Variants in EPAS1 observed in about 807,000 individuals in gnomAD.
EPAS1 encodes endothelial PAS domain protein 1.
EPAS1 carries 23 observed loss-of-function variants against 87.9 expected under a neutral mutation model. The observed-to-expected ratio is 0.26, with a 90% CI of 0.19 to 0.37. The LOEUF (loss-of-function observed/expected upper bound fraction) is 0.37, where lower values mean the gene tolerates loss of function less well. EPAS1 is among the 10% of genes least tolerant of loss of function. The pLI is 1.00. For missense variants in EPAS1, 1,138 were observed against 1,120.7 expected (o/e 1.02, Z -0.22); for synonymous variants, 508 against 444.3 (o/e 1.14, Z -1.80).
intron 7 of EPAS1, among the ~76,000 whole-genome samples, chr2:46,373,246 T>A (rs1340304629): frequency 6.6e-6 from 1 of 152,230 alleles, no homozygotes; most frequent in African/African-American, 2.4e-5. Context: ...TATAAACATA[T>A]ACTTTACAGG....
At chr2:46,326,735 T>C (rs984769992) in intron 1 of EPAS1, among the ~76,000 whole-genome samples, 1 of 152,068 alleles carries the variant, frequency 6.6e-6, no homozygotes, top group Non-Finnish European at 1.5e-5. Flanking sequence ...ATAGGAAATA[T>C]AGTCTAGTGG....
At chr2:46,323,560 T>G (rs190870556) in intron 1 of EPAS1, among the ~76,000 whole-genome samples, 1 of 152,138 alleles carries the variant, frequency 6.6e-6, no homozygotes, top group Non-Finnish European at 1.5e-5. Context: ...ATCCTGGAGG[T>G]AGGGAACAGT....
chr2:46,321,534 T>C (rs1220289150), intron 1 of EPAS1, among the ~76,000 whole-genome samples: 2 of 152,232 alleles, frequency 1.3e-5, no homozygotes, highest in African/African-American at 4.8e-5. Flanking sequence ...TAACACTTGT[T>C]ATTTTCTGTT....
intron 12 of EPAS1, chr2:46,381,152 A>G (rs1018221178): frequency 2.9e-5 from 10 of 348,110 alleles, no homozygotes; most frequent in African/African-American, 1.9e-4. Flanking sequence ...TAGGCTCCAG[A>G]AATGCCTTCC....
chr2:46,305,366 T>G (rs1683089931), intron 1 of EPAS1, among the ~76,000 whole-genome samples: 1 of 152,198 alleles, frequency 6.6e-6, no homozygotes, highest in Non-Finnish European at 1.5e-5. Context: ...TTAGGCTGTT[T>G]GCAGGGGCCA....
At position 46,347,937 on chromosome 2, in the gene EPAS1, G is replaced by A. The variant is rs780046002; in HGVS notation, c.217+874G>A. ...GCCACAGGTGGGGACAGTGTCTGAC[G>A]GGTGAGCATGAGGGAGGCACTCAGG... is the stretch of plus-strand genomic sequence containing the variant. On this transcript the variant is annotated intron_variant, in intron 2 of 15. Coordinates refer to ENST00000263734, the MANE Select transcript of EPAS1 (RefSeq NM_001430.5). The surrounding 1 kb of genome is among the most constrained non-coding windows in gnomAD (Gnocchi z 4.2). Among the ~76,000 whole-genome samples the A allele has an allele frequency of 3.3e-5, 5 of 152,148 alleles. No individual in the cohort carries two copies. The highest frequency in any genetic ancestry group is 6.5e-5 in the Admixed American group (1 of 15,278).
Position 46,380,200 on chromosome 2 carries a change from C to G in EPAS1, c.1555-27C>G. ...TGTGAGGTCGTACCAACCCCCTTGC[C>G]TCTTTGCCGGTGCTGTCTCCCCTCA... On this transcript the variant is annotated intron_variant, in intron 11 of 15. Coordinates refer to ENST00000263734, the MANE Select transcript of EPAS1 (RefSeq NM_001430.5). The surrounding 1 kb of genome is among the most constrained non-coding windows in gnomAD (Gnocchi z 4.4). 2 of 1,604,874 alleles carry G rather than the reference C, an allele frequency of 1.2e-6. No individual in the cohort carries two copies. Among genetic ancestry groups the G allele is most frequent in the South Asian group, 2.2e-5 (2 of 91,082 alleles).
chr2:46,382,362 C>T (rs999200191), intron 14 of EPAS1, 63 bp from the exon 15 acceptor site: 6 of 1,595,216 alleles, frequency 3.8e-6, no homozygotes, highest in Non-Finnish European at 5.2e-6. Context: ...GATGCTAGGG[C>T]TTCCTGGCCT....
chr2:46,384,113 A>G (rs1171824859), intron 15 of EPAS1, among the ~76,000 whole-genome samples: 1 of 152,184 alleles, frequency 6.6e-6, no homozygotes, highest in African/African-American at 2.4e-5. Context: ...AGACTGTTGA[A>G]TCTTGAGGCA....
chr2:46,328,381 G>A (rs1393033005), intron 1 of EPAS1, among the ~76,000 whole-genome samples: 1 of 152,200 alleles, frequency 6.6e-6, no homozygotes, highest in Non-Finnish European at 1.5e-5. Flanking sequence ...GGAGGTGGCA[G>A]GCCCATTTAG....
chr2:46,321,850 T>C (rs761205663), intron 1 of EPAS1, among the ~76,000 whole-genome samples: 5 of 152,178 alleles, frequency 3.3e-5, no homozygotes, highest in Non-Finnish European at 7.3e-5. Context: ...ATATAATAAC[T>C]GGCATATAGG....
At chr2:46,374,086 T>C (rs1267734723) in intron 7 of EPAS1, among the ~76,000 whole-genome samples, 2 of 152,242 alleles carry the variant, frequency 1.3e-5, no homozygotes, top group East Asian at 1.9e-4. Flanking sequence ...CAAAGCACTA[T>C]ACAAATGTAA....
At chr2:46,315,192 A>G (rs572037533) in intron 1 of EPAS1, among the ~76,000 whole-genome samples, 21 of 152,280 alleles carry the variant, frequency 1.4e-4, no homozygotes, top group African/African-American at 5.1e-4. Context: ...CAGGGCTGAT[A>G]CTGATGTGAG....
Position 46,297,734 on chromosome 2 carries a change from G to T in EPAS1, c.-178G>T. ...GTCACCTTTCTCCACCCCCGCCCCC[G>T]CACCTAGCCCGCCGCGCGCCACCTT... is the stretch of plus-strand genomic sequence containing the variant. On this transcript the variant is annotated 5_prime_UTR_variant, in exon 1 of 16. Coordinates refer to ENST00000263734, the MANE Select transcript of EPAS1 (RefSeq NM_001430.5). The T allele has an allele frequency of 1.4e-6, 1 of 713,894 alleles. No individual in the cohort carries two copies. The allele number at this position is 713,894 out of a possible 1,614,324, so 44.2% of individuals were successfully genotyped here.
chr2:46,356,110 T>C (rs1282212191), intron 2 of EPAS1, 41 bp from the exon 3 acceptor site: 3 of 1,532,800 alleles, frequency 2.0e-6, no homozygotes, highest in African/African-American at 2.8e-5. Context: ...CTGTTTTCAC[T>C]CCACATTCAT....
chr2:46,356,997 A>G (rs1174631211), intron 4 of EPAS1, among the ~76,000 whole-genome samples, 189 bp downstream of exon 4: 1 of 152,126 alleles, frequency 6.6e-6, no homozygotes, highest in Non-Finnish European at 1.5e-5. Flanking sequence ...ACTCAGAAAT[A>G]TCTCCTGCTG....
At position 46,356,170 on chromosome 2, in the gene EPAS1, C is replaced by G; in HGVS notation, c.237C>G (p.Ser79=). The change falls in exon 3 of 16, where the codon TCC becomes TCG. Residue 79 remains serine, a synonymous_variant. Coordinates refer to ENST00000263734, the MANE Select transcript of EPAS1 (RefSeq NM_001430.5). ...LLSSVCSENE[S]EAEADQQMDN... ...TTCCAGTTTGCTCTGAAAACGAGTC[C>G]GAAGCCGAAGCTGACCAGCAGATGG... The G allele has an allele frequency of 6.5e-7, 1 of 1,539,004 alleles. No individual in the cohort carries two copies.
intron 2 of EPAS1, among the ~76,000 whole-genome samples, chr2:46,350,797 A>G (rs1483234321): frequency 6.6e-6 from 1 of 152,260 alleles, no homozygotes; most frequent in African/African-American, 2.4e-5. Flanking sequence ...CCTGGAGATC[A>G]GCGTGAAGCA....
chr2:46,349,688 G>C (rs1423587176), intron 2 of EPAS1, among the ~76,000 whole-genome samples: 1 of 152,268 alleles, frequency 6.6e-6, no homozygotes, highest in Non-Finnish European at 1.5e-5. Flanking sequence ...ACAGCCCAGG[G>C]AGGAGGAGAT....
Sources: gnomAD v4.1 joint callset for allele counts (sites outside exome capture counted in the v4.1 genomes callset) on GRCh38, gnomAD v4.1.1 for gene constraint, Gnocchi (gnomAD v3.1) non-coding constraint, MANE v1.5 for transcripts, NCBI Gene and HGNC (gene_info 2026-07-23, HGNC 2026-07-21) for gene names.